The following BRD4 variants were observed in gnomAD, a reference collection of about 807,000 sequenced individuals.
BRD4 encodes bromodomain containing 4.
BRD4 carries 16 observed loss-of-function variants against 142.1 expected under a neutral mutation model. The ratio of observed to expected loss-of-function variants is 0.11; its 90% CI spans 0.08 to 0.17. The LOEUF (loss-of-function observed/expected upper bound fraction) is 0.17, where lower values mean the gene tolerates loss of function less well. Among genes scored for constraint, BRD4 ranks in the 10% least tolerant of loss-of-function variants. The probability of loss-of-function intolerance (pLI) is 1.00; values close to 1 mark genes in which losing one functional copy is unlikely to be tolerated. For missense variants in BRD4, 1,424 were observed against 1,810.9 expected (o/e 0.79, Z 3.88); for synonymous variants, 833 against 707.5 (o/e 1.18, Z -2.82).
chr19:15,280,291 G>A (rs201063604), intron 1 of BRD4: 19 of 1,009,842 alleles, frequency 1.9e-5, no homozygotes, highest in Non-Finnish European at 2.3e-5. Context: ...CCCACAAGGG[G>A]CAGAGGCCCA....
chr19:15,242,753 A>G (rs1268630843), intron 14 of BRD4, 147 bp downstream of exon 14: 8 of 1,271,546 alleles, frequency 6.3e-6, no homozygotes, highest in Non-Finnish European at 7.6e-6. Flanking sequence ...GGAAGCACCA[A>G]TGACCCTTCC....
chr19:15,241,629 C>G (rs549417544), intron 14 of BRD4, among the ~76,000 whole-genome samples: 3 of 152,146 alleles, frequency 2.0e-5, no homozygotes, highest in African/African-American at 4.8e-5. Flanking sequence ...CACCCGAGTG[C>G]TGGCTCTTCT....
chr19:15,238,838 T>A lies in BRD4; in HGVS notation c.3925A>T (p.Thr1309Ser), dbSNP rs755041038. 1 of 1,602,818 alleles carries A rather than the reference T, an allele frequency of 6.2e-7. No homozygotes were observed. The highest frequency in any genetic ancestry group is 1.7e-5 in the Admixed American group (1 of 59,286). The change falls in exon 19 of 20, where the codon ACC becomes TCC. Residue 1309 changes from threonine (T) to serine (S), a missense_variant. Coordinates refer to ENST00000679869, the MANE Select transcript of BRD4 (RefSeq NM_001379291.1). The surrounding 1 kb of genome is among the most constrained non-coding windows in gnomAD (Gnocchi z 7.2). ...GGCTGGGAGCTCTGGGCCTGTGGGG[T>A]GGCGGCGGCAGCCACCGCAGCTGCT... is the stretch of plus-strand genomic sequence containing the variant. ...QQAAAVAAAA[T>S]PQAQSSQPQS...
chr19:15,278,105 CAAAAAAAAAAAAAAAAAA>C (rs59204229), intron 1 of BRD4, among the ~76,000 whole-genome samples: 1,776 of 55,230 alleles, frequency 0.032, 50 homozygotes, highest in Middle Eastern at 0.075. Context: ...GACTCCGTCT[CAAAAAAAAAAAAAAAAAA>C]AAAAAAAAAA....
At chr19:15,308,370 C>T (rs1568406817) in intron 1 of BRD4, among the ~76,000 whole-genome samples, 1 of 151,080 alleles carries the variant, frequency 6.6e-6, no homozygotes, top group Non-Finnish European at 1.5e-5. Flanking sequence ...GGGTGAATTA[C>T]GATGTCAGGA....
At chr19:15,268,458 T>A (rs1040039711) in intron 3 of BRD4, among the ~76,000 whole-genome samples, 7 of 150,288 alleles carry the variant, frequency 4.7e-5, no homozygotes, top group Non-Finnish European at 8.9e-5. Context: ...GCAACTGAGC[T>A]CTGCGCCGGC....
intron 1 of BRD4, among the ~76,000 whole-genome samples, chr19:15,323,571 T>C (rs11666141): frequency 0.18 from 26,868 of 152,138 alleles, 2,458 homozygotes; most frequent in Middle Eastern, 0.21. Flanking sequence ...AATCCACCCA[T>C]AGACATGTAT....
intron 1 of BRD4, among the ~76,000 whole-genome samples, chr19:15,281,675 CTG>C (rs1309330596): frequency 1.3e-5 from 2 of 152,152 alleles, no homozygotes; most frequent in African/African-American, 4.8e-5. Flanking sequence ...TAAAATGTTC[CTG>C]TGAGAAGCAT....
chr19:15,248,999 A>G, intron 11 of BRD4: 1 of 543,848 alleles, frequency 1.8e-6, no homozygotes, highest in South Asian at 2.2e-5. Flanking sequence ...ACCCACCCAG[A>G]GGACCCCAGA....
intron 1 of BRD4, among the ~76,000 whole-genome samples, chr19:15,287,205 A>T (rs1340755709): frequency 6.6e-6 from 1 of 152,078 alleles, no homozygotes; most frequent in African/African-American, 2.4e-5. Flanking sequence ...ATGCAAAAAA[A>T]TGTTTATGCG....
At chr19:15,249,520 T>C (rs2047322111) in intron 11 of BRD4, among the ~76,000 whole-genome samples, 1 of 152,154 alleles carries the variant, frequency 6.6e-6, no homozygotes, top group Admixed American at 6.5e-5. Context: ...CATGGATGCC[T>C]TGGAAACCGC....
chr19:15,319,881 A>G (rs2048046737), intron 1 of BRD4, among the ~76,000 whole-genome samples: 2 of 152,166 alleles, frequency 1.3e-5, no homozygotes, highest in Non-Finnish European at 2.9e-5. Flanking sequence ...GACTACAGTT[A>G]GCTGTGATCA....
intron 1 of BRD4, among the ~76,000 whole-genome samples, chr19:15,278,543 C>CAAAAAAA (rs1235423521): frequency 1.3e-5 from 1 of 74,884 alleles, no homozygotes; most frequent in East Asian, 3.6e-4. Context: ...CAACCCCCGC[C>CAAAAAAA]AAAAAAAAAA....
At chr19:15,269,266 C>T (rs1309514796) in intron 2 of BRD4, among the ~76,000 whole-genome samples, 2 of 152,208 alleles carry the variant, frequency 1.3e-5, no homozygotes, top group Admixed American at 6.5e-5. Flanking sequence ...CAGAGGGAAA[C>T]GTACAAGTTT....
At chr19:15,317,926 C>T (rs900425986) in intron 1 of BRD4, among the ~76,000 whole-genome samples, 9 of 152,220 alleles carry the variant, frequency 5.9e-5, no homozygotes, top group South Asian at 2.1e-4. Flanking sequence ...TGAATGGTTT[C>T]CTACTGTCAA....
At chr19:15,282,812 T>TA (rs2047714922) in intron 1 of BRD4, among the ~76,000 whole-genome samples, 1 of 152,072 alleles carries the variant, frequency 6.6e-6, no homozygotes, top group Non-Finnish European at 1.5e-5. Context: ...ATCCACACCA[T>TA]AATATGAAAC....
rs1169668028 is a variant in BRD4 at position 15,312,968 on chromosome 19, A to G, written c.-35+19322T>C. 7.9e-5 allele frequency among the ~76,000 whole-genome samples: 12 copies of G among 152,182 alleles called. No homozygotes were observed. The East Asian group carries it at 2.1e-3, about 27-fold the overall frequency. ...AAGATGTCAGGCGTAGCTACTCAGGAGACTGAGGTGAGAGGATAGCTTGAG... is the reference window on the plus strand; with the variant it reads ...AAGATGTCAGGCGTAGCTACTCAGGGGACTGAGGTGAGAGGATAGCTTGAG... On this transcript the variant is annotated intron_variant, in intron 1 of 19. Coordinates refer to ENST00000679869, the MANE Select transcript of BRD4 (RefSeq NM_001379291.1).
chr19:15,326,015 A>AAAAG (rs1338247006), intron 1 of BRD4, among the ~76,000 whole-genome samples: 66 of 149,698 alleles, frequency 4.4e-4, no homozygotes, highest in Middle Eastern at 3.4e-3. Context: ...AAAAAAAAAA[A>AAAAG]AAAGAAAGAA....
At chr19:15,294,332 G>A (rs1260325433) in intron 1 of BRD4, among the ~76,000 whole-genome samples, 1 of 152,246 alleles carries the variant, frequency 6.6e-6, no homozygotes, top group Admixed American at 6.5e-5. Context: ...ACATCTGGAC[G>A]ACAGGCACCC....
Sources: allele counts gnomAD v4.1 joint callset (sites outside exome capture counted in the v4.1 genomes callset), GRCh38; gene constraint gnomAD v4.1.1; non-coding constraint Gnocchi (gnomAD v3.1); transcripts MANE v1.5; gene names NCBI Gene and HGNC (gene_info 2026-07-23, HGNC 2026-07-21).